Variants in PAM16 observed in about 807,000 individuals in gnomAD.
PAM16 encodes the protein presequence translocase associated motor 16.
In PAM16, 11 loss-of-function variants were observed where a neutral mutation model predicts 17.9. The ratio of observed to expected loss-of-function variants is 0.62; its 90% CI spans 0.39 to 1.02. The LOEUF is 1.02. PAM16 is among the 50% of genes least tolerant of loss of function. The probability of loss-of-function intolerance (pLI) is 0.01; values close to 1 mark genes in which losing one functional copy is unlikely to be tolerated. For synonymous variants in PAM16, 72 were observed against 67.4 expected, an observed-to-expected ratio of 1.07 and a Z score of -0.34; for missense variants, 199 against 165.4, an observed-to-expected ratio of 1.20 and a Z score of -1.11.
At chr16:4,346,515 A>G (rs1207862419) in intron 1 of PAM16, among the ~76,000 whole-genome samples, 1 of 152,162 alleles carries the variant, frequency 6.6e-6, no homozygotes, top group African/African-American at 2.4e-5. Flanking sequence ...AGCTCATTTG[A>G]TACAGGCCCT....
intron 1 of PAM16, chr16:4,345,763 C>T (rs2053749028): frequency 1.3e-6 from 1 of 798,128 alleles, no homozygotes; most frequent in Non-Finnish European, 1.5e-6. Flanking sequence ...CAGGGATGCA[C>T]CTGATGACAC....
intron 1 of PAM16, among the ~76,000 whole-genome samples, chr16:4,350,566 A>T (rs2053835580): frequency 6.6e-6 from 1 of 151,716 alleles, no homozygotes; most frequent in South Asian, 2.1e-4. Context: ...CCACCCGGCT[A>T]ATTTTTTAAA....
chr16:4,341,640 T>A, intron 2 of PAM16, 136 bp from the exon 3 acceptor site: 1 of 1,399,232 alleles, frequency 7.1e-7, no homozygotes, highest in Middle Eastern at 2.6e-4. Context: ...CTGCCTCTTC[T>A]CCAGGAGTGG....
At chr16:4,343,137 C>G in intron 2 of PAM16, 70 bp downstream of exon 2, 2 of 1,603,464 alleles carry the variant, frequency 1.2e-6, no homozygotes, top group Non-Finnish European at 1.7e-6. Flanking sequence ...CCTGAGGTGC[C>G]CATGGCTACG....
chr16:4,346,199 A>G (rs1247938052), intron 1 of PAM16, among the ~76,000 whole-genome samples: 1 of 152,202 alleles, frequency 6.6e-6, no homozygotes, highest in Admixed American at 6.5e-5. Flanking sequence ...AGGTTCCTAT[A>G]GGAGGCATCT....
intron 1 of PAM16, among the ~76,000 whole-genome samples, chr16:4,349,821 A>G (rs980950576): frequency 6.6e-6 from 1 of 152,118 alleles, no homozygotes; most frequent in Non-Finnish European, 1.5e-5. Context: ...GGCTCAAAAG[A>G]GGTCTCTGAC....
Position 4,346,073 on chromosome 16 carries a change from C to G in PAM16, c.4-2782G>C, listed in dbSNP as rs772817854. On this transcript the variant is annotated intron_variant, in intron 1 of 4. Transcript: ENST00000318059. The stretch of plus-strand genomic sequence containing the variant: ...GGGGAGCTTCCCCGACCATCCCCTG[C>G]ACACTTCAAACCAAAGCGGCGTGGT... 7 of 666,802 alleles carry G rather than the reference C, an allele frequency of 1.0e-5. No homozygotes were observed. In the South Asian group the frequency reaches 4.7e-4, roughly 44 times the overall value. The allele number at this position is 666,802 out of a possible 1,614,324, so 41.3% of individuals were successfully genotyped here. A position where few individuals can be genotyped will look rare whatever the true frequency, so the allele number is the denominator to read the frequency against.
chr16:4,349,678 G>A (rs2141156478), intron 1 of PAM16, among the ~76,000 whole-genome samples: 1 of 152,144 alleles, frequency 6.6e-6, no homozygotes, highest in Middle Eastern at 3.4e-3. Flanking sequence ...AAGGTAGGAG[G>A]ATGGCTTGAG....
chr16:4,351,220 C>T lies in PAM16; in HGVS notation c.3+12G>A, dbSNP rs755022788. The T allele has an allele frequency of 6.3e-6, 9 of 1,437,302 alleles. No individual in the cohort carries two copies. The East Asian group carries it at 1.4e-4, about 22-fold the overall frequency. 89.0% of individuals were successfully genotyped at this position (1,437,302 alleles called of 1,614,324 possible). ...GCTTCCCCTCCCCGGTAGCGCCCGA[C>T]TCGGGGCTCACCATGGCAGCCGCTC... On this transcript the variant is annotated intron_variant, in intron 1 of 4. Transcript: ENST00000318059.
intron 4 of PAM16, 103 bp downstream of exon 4, chr16:4,340,817 T>G: frequency 6.9e-7 from 1 of 1,440,122 alleles, no homozygotes; most frequent in Non-Finnish European, 9.8e-7. Context: ...GTTTTCTGTG[T>G]GCCAAGCCCT....
intron 3 of PAM16, 95 bp downstream of exon 3, chr16:4,341,273 C>G (rs2053641950): frequency 6.7e-7 from 1 of 1,487,750 alleles, no homozygotes; most frequent in Non-Finnish European, 9.0e-7. Flanking sequence ...GCAGCTGCAG[C>G]CTCCACATCG....
chr16:4,341,383 A>AGG lies in PAM16; in HGVS notation c.208_209dup (p.Glu71LeufsTer14). The AGG allele has an allele frequency of 6.3e-7, 1 of 1,584,086 alleles. No homozygotes were observed. Among genetic ancestry groups the AGG allele is most frequent in the Non-Finnish European group, 8.6e-7 (1 of 1,165,352 alleles). The stretch of plus-strand genomic sequence containing the variant: ...GTGGCCTCACCTTCTGGACCTCCTC[A>AGG]GGGCTCAGCTTGGACACGTTGAGAA... On this transcript the variant is annotated frameshift_variant, in exon 3 of 5. Coordinates refer to ENST00000318059, the MANE Select transcript of PAM16 (RefSeq NM_016069.11). LOFTEE classifies it high-confidence loss of function.
chr16:4,351,264 T>C lies in PAM16; in HGVS notation c.-30A>G. On this transcript the variant is annotated 5_prime_UTR_variant, in exon 1 of 5. Coordinates refer to ENST00000318059, the MANE Select transcript of PAM16 (RefSeq NM_016069.11). Reference sequence around the variant, plus strand: ...GCCGCTCTGCCTCCGGGGCTCAAACTCCGACTTCCTGGCCCCGCGGCCGGG... The same window carrying C: ...GCCGCTCTGCCTCCGGGGCTCAAACCCCGACTTCCTGGCCCCGCGGCCGGG... The C allele has an allele frequency of 6.8e-7, 1 of 1,462,440 alleles. No homozygotes were observed. Among genetic ancestry groups the C allele is most frequent in the Non-Finnish European group, 9.1e-7 (1 of 1,099,270 alleles). 90.6% of individuals were successfully genotyped at this position (1,462,440 alleles called of 1,614,324 possible). A position where few individuals can be genotyped will look rare whatever the true frequency, so the allele number is the denominator to read the frequency against.
chr16:4,348,806 C>T (rs1405776599), intron 1 of PAM16, among the ~76,000 whole-genome samples: 6 of 151,776 alleles, frequency 4.0e-5, no homozygotes, highest in Non-Finnish European at 7.4e-5. Context: ...CAGGCACACG[C>T]TGCCATGCCC....
chr16:4,344,012 AGTCAGAG>A, intron 1 of PAM16: 1 of 398,002 alleles, frequency 2.5e-6, no homozygotes, highest in Admixed American at 4.4e-5. Flanking sequence ...CCCTGCCCCG[AGTCAGAG>A]CACACTGCTG....
chr16:4,350,121 CTCTTTT>C (rs2053825540), intron 1 of PAM16, among the ~76,000 whole-genome samples: 1 of 151,620 alleles, frequency 6.6e-6, no homozygotes, highest in African/African-American at 2.4e-5. Flanking sequence ...TTTTTTCCCC[CTCTTTT>C]TCTTTTTGAG....
chr16:4,341,845 G>A (rs546027345), intron 2 of PAM16, among the ~76,000 whole-genome samples: 201 of 152,270 alleles, frequency 1.3e-3, no homozygotes, highest in African/African-American at 4.5e-3. Context: ...CTGTATAGTG[G>A]GGCTGCGGGC....
In PAM16 at chr16:4,341,436, C is replaced by T. The variant is rs753431174; in HGVS notation, c.157G>A (p.Gly53Ser). Residue 53 changes from glycine (G) to serine (S), a missense_variant, in exon 3 of 5, where the codon GGC (glycine) becomes AGC (serine). By Grantham distance (56) the Gly-to-Ser change is moderately conservative. Coordinates refer to ENST00000318059, the MANE Select transcript of PAM16 (RefSeq NM_016069.11). ...HRSAAASNLS[G>S]LSLQEAQQIL... The stretch of plus-strand genomic sequence containing the variant: ...TGCTGTGCCTCCTGGAGGCTGAGGC[C>T]GGAGAGGTTGGAAGCGGCTGCAGAC... The T allele has an allele frequency of 3.7e-6, 6 of 1,608,052 alleles. No individual in the cohort carries two copies. Among genetic ancestry groups the T allele is most frequent in the South Asian group, 2.2e-5 (2 of 89,894 alleles).
intron 1 of PAM16, 149 bp downstream of exon 1, chr16:4,351,083 C>G (rs2053849536): frequency 5.2e-6 from 2 of 382,438 alleles, no homozygotes; most frequent in Non-Finnish European, 8.9e-6. Context: ...CCTCGATTCC[C>G]CCGGGTGCAA....
Sources: allele counts gnomAD v4.1 joint callset (sites outside exome capture counted in the v4.1 genomes callset), GRCh38; gene constraint gnomAD v4.1.1; transcripts MANE v1.5; gene names NCBI Gene and HGNC (gene_info 2026-07-23, HGNC 2026-07-21).